The following CTNNA3 variants were observed in gnomAD, a reference collection of about 807,000 sequenced individuals.
The protein encoded by CTNNA3 is catenin alpha 3, also known as catenin alpha-3.
A neutral mutation model predicts 95.7 loss-of-function variants in CTNNA3; 76 were observed. That is an observed-to-expected ratio of 0.79 (90% CI 0.66 to 0.96). CTNNA3 has a LOEUF of 0.96. Among genes scored for constraint, CTNNA3 ranks in the 40% least tolerant of loss-of-function variants. CTNNA3 has a pLI of 0.00. For missense variants in CTNNA3, 1,191 were observed against 1,089.8 expected, an observed-to-expected ratio of 1.09 and a Z score of -1.31; for synonymous variants, 431 against 374.4, an observed-to-expected ratio of 1.15 and a Z score of -1.74.
intron 5 of CTNNA3, among the ~76,000 whole-genome samples, chr10:67,283,669 C>T (rs1589124593): frequency 6.6e-6 from 1 of 152,254 alleles, no homozygotes; most frequent in South Asian, 2.1e-4. Context: ...CCACTTGGCC[C>T]TCTTCTAAAT....
chr10:66,444,482 A>T (rs1302698090), intron 11 of CTNNA3, among the ~76,000 whole-genome samples: 2 of 152,184 alleles, frequency 1.3e-5, no homozygotes, highest in Non-Finnish European at 2.9e-5. Context: ...TCTCTTGGCA[A>T]AAACTCTACA....
At chr10:66,835,482 T>C (rs1842856198) in intron 7 of CTNNA3, among the ~76,000 whole-genome samples, 1 of 152,234 alleles carries the variant, frequency 6.6e-6, no homozygotes, top group Non-Finnish European at 1.5e-5. Flanking sequence ...GCTAAAAATA[T>C]AGTAGTCCTG....
chr10:66,479,105 A>AT (rs1481076668), intron 11 of CTNNA3, among the ~76,000 whole-genome samples: 2 of 151,836 alleles, frequency 1.3e-5, no homozygotes, highest in African/African-American at 4.8e-5. Flanking sequence ...ATCTAGTTAC[A>AT]TTTTTTAATA....
At chr10:67,435,092 T>C (rs1284446000) in intron 5 of CTNNA3, among the ~76,000 whole-genome samples, 1 of 152,046 alleles carries the variant, frequency 6.6e-6, no homozygotes. Context: ...ATTCAAATGT[T>C]CCTAGCTTTT....
At chr10:66,333,989 G>C (rs7096924) in intron 12 of CTNNA3, among the ~76,000 whole-genome samples, 1 of 151,812 alleles carries the variant, frequency 6.6e-6, no homozygotes, top group South Asian at 2.1e-4. Flanking sequence ...TGTAATGGCC[G>C]TCTTTATCTC....
At chr10:67,148,984 T>C (rs1589796298) in intron 7 of CTNNA3, among the ~76,000 whole-genome samples, 1 of 152,224 alleles carries the variant, frequency 6.6e-6, no homozygotes, top group African/African-American at 2.4e-5. Flanking sequence ...AATTGTCTTA[T>C]GGCTAAATTC....
chr10:67,077,895 T>C (rs1856816647), intron 7 of CTNNA3, among the ~76,000 whole-genome samples: 2 of 152,204 alleles, frequency 1.3e-5, no homozygotes, highest in South Asian at 4.1e-4. Flanking sequence ...TCTAGATTTC[T>C]AGATTAACAG....
chr10:66,247,305 G>A (rs1315779985), intron 13 of CTNNA3, among the ~76,000 whole-genome samples: 2 of 152,110 alleles, frequency 1.3e-5, no homozygotes, highest in African/African-American at 2.4e-5. Flanking sequence ...TAAGGGTTTT[G>A]ACTCTAATCC....
rs1843380182 is a variant in CTNNA3, at chr10:66,586,956, G to A, written c.1374+34736C>T. Among the ~76,000 whole-genome samples, 3 of 152,094 alleles carry A rather than the reference G, an allele frequency of 2.0e-5. No individual in the cohort carries two copies. The South Asian group carries it at 6.2e-4, about 32-fold the overall frequency. ...ATTCTGAATTCTACTGCTCCTCTAG[G>A]TCTAGCTGTCCAGTGGGGCTGCCAC... On this transcript the variant is annotated intron_variant, in intron 10 of 17. Coordinates refer to ENST00000433211, the MANE Select transcript of CTNNA3 (RefSeq NM_013266.4).
chr10:67,092,458 A>C (rs1857706608), intron 7 of CTNNA3, among the ~76,000 whole-genome samples: 1 of 151,958 alleles, frequency 6.6e-6, no homozygotes, highest in African/African-American at 2.4e-5. Flanking sequence ...TTGTACTTTA[A>C]AAATAACCTT....
chr10:67,753,539 T>C lies in CTNNA3; in HGVS notation c.-2+9895A>G, dbSNP rs1438432264. Among the ~76,000 whole-genome samples the C allele has an allele frequency of 4.6e-5, 7 of 152,174 alleles. No homozygotes were observed. The East Asian group carries it at 9.6e-4, about 21-fold the overall frequency. On this transcript the variant is annotated intron_variant, in intron 1 of 17. Coordinates refer to the CTNNA3 transcript ENST00000684154. ...CACAGTGAACAGACAACCTATGGAA[T>C]GGGAGAATATGTTTGCAATCTATCC...
At chr10:66,177,057 C>T (rs2085750946) in intron 13 of CTNNA3, among the ~76,000 whole-genome samples, 1 of 152,050 alleles carries the variant, frequency 6.6e-6, no homozygotes, top group South Asian at 2.1e-4. Flanking sequence ...AGGCTTAAAT[C>T]CGTGTAACAC....
intron 15 of CTNNA3, among the ~76,000 whole-genome samples, chr10:66,043,976 GTGTGTGTGTGTGTGTGTGTT>G (rs967640076): frequency 4.1e-5 from 6 of 147,244 alleles, no homozygotes; most frequent in Non-Finnish European, 9.2e-5. Context: ...GTGTGTGTGT[GTGTGTGTGTGTGTGTGTGTT>G]TGTGTGTGTC....
At position 66,332,110 on chromosome 10, in the gene CTNNA3, T is replaced by A. The variant is rs537684972; in HGVS notation, c.1732+47042A>T. ...GCATTGATTTTGTATCCTGAGACTT[T>A]GCTGAAGTTGCCTATCAGCTTAAGG... On this transcript the variant is annotated intron_variant, in intron 12 of 17. Transcript: ENST00000433211. Among the ~76,000 whole-genome samples the A allele has an allele frequency of 9.0e-4, 137 of 152,234 alleles. 1 individual carries two copies. The highest frequency in any genetic ancestry group is 3.4e-3 in the Middle Eastern group (1 of 294).
chr10:67,532,832 C>T (rs1283271511), intron 4 of CTNNA3, among the ~76,000 whole-genome samples: 9 of 152,104 alleles, frequency 5.9e-5, no homozygotes, highest in Non-Finnish European at 1.3e-4. Flanking sequence ...GTTTTATTCT[C>T]CCCATAACTC....
intron 7 of CTNNA3, among the ~76,000 whole-genome samples, chr10:66,837,941 A>C (rs749761226): frequency 2.0e-5 from 3 of 151,986 alleles, no homozygotes; most frequent in Non-Finnish European, 2.9e-5. Context: ...ATAGCTTTCA[A>C]ACCCACCTGA....
chr10:66,911,423 GT>G (rs1846218269), intron 7 of CTNNA3, among the ~76,000 whole-genome samples: 1 of 152,110 alleles, frequency 6.6e-6, no homozygotes, highest in Non-Finnish European at 1.5e-5. Flanking sequence ...AGACTTGTTT[GT>G]TTCCTTTCTA....
At chr10:66,063,194 G>GTGTATA (rs1474016674) in intron 15 of CTNNA3, among the ~76,000 whole-genome samples, 2 of 119,864 alleles carry the variant, frequency 1.7e-5, no homozygotes, top group African/African-American at 6.7e-5. Context: ...CTGGATACAT[G>GTGTATA]TATATATATA....
chr10:67,428,481 G>T (rs1235490886), intron 5 of CTNNA3, among the ~76,000 whole-genome samples: 1 of 152,046 alleles, frequency 6.6e-6, no homozygotes, highest in Non-Finnish European at 1.5e-5. Flanking sequence ...TAGAATAATT[G>T]TAGTTGTAAA....
Sources: allele counts gnomAD v4.1 joint callset (sites outside exome capture counted in the v4.1 genomes callset), GRCh38; gene constraint gnomAD v4.1.1; transcripts MANE v1.5; gene names NCBI Gene and HGNC (gene_info 2026-07-23, HGNC 2026-07-21).